PRIM2: variants seen among roughly 807,000 people sequenced by gnomAD.
The protein encoded by PRIM2 is DNA primase subunit 2.
Under a neutral mutation model 67.3 loss-of-function variants are expected in PRIM2, and 39 were observed. The ratio of observed to expected loss-of-function variants is 0.58; its 90% CI spans 0.45 to 0.76. PRIM2 has a LOEUF of 0.76. Ranked by LOEUF, PRIM2 falls within the 30% of genes least tolerant of loss-of-function variation. The pLI, the probability that PRIM2 is intolerant of heterozygous loss-of-function variation, is 0.00. For synonymous variants in PRIM2, 143 were observed against 198.7 expected, an observed-to-expected ratio of 0.72 and a Z score of 2.36; for missense variants, 398 against 598.7, an observed-to-expected ratio of 0.66 and a Z score of 3.50.
intron 5 of PRIM2, among the ~76,000 whole-genome samples, chr6:57,343,545 A>T (rs1434609649): frequency 1.3e-5 from 2 of 152,208 alleles, no homozygotes. Context: ...CAGATGTAAC[A>T]GTAGAACAGG....
At chr6:57,454,525 A>G (rs1331941358) in intron 7 of PRIM2, among the ~76,000 whole-genome samples, 3 of 152,182 alleles carry the variant, frequency 2.0e-5, no homozygotes, top group African/African-American at 4.8e-5. Flanking sequence ...GGGAGAGTGT[A>G]TGTGTCCAGG....
chr6:57,341,986 A>T (rs987944416), intron 5 of PRIM2, among the ~76,000 whole-genome samples: 34 of 152,180 alleles, frequency 2.2e-4, no homozygotes, highest in African/African-American at 7.2e-4. Context: ...AGTTGCTTTT[A>T]TGTTGATCTA....
intron 7 of PRIM2, among the ~76,000 whole-genome samples, chr6:57,470,622 C>G (rs1452520128): frequency 6.6e-6 from 1 of 151,428 alleles, no homozygotes; most frequent in Non-Finnish European, 1.5e-5. Flanking sequence ...TTGTTTTAAT[C>G]TTTAAATGAC....
At chr6:57,443,602 A>AT (rs143005345) in intron 7 of PRIM2, among the ~76,000 whole-genome samples, 11 of 151,692 alleles carry the variant, frequency 7.3e-5, no homozygotes, top group South Asian at 6.2e-4. Context: ...TTTAAACTGG[A>AT]TTTTTTTTGG....
intron 10 of PRIM2, among the ~76,000 whole-genome samples, chr6:57,568,462 C>T (rs1775792737): frequency 6.6e-6 from 1 of 152,116 alleles, no homozygotes; most frequent in Admixed American, 6.5e-5. Flanking sequence ...GGGAAAAACC[C>T]CTACTATTTA....
chr6:57,563,627 G>A (rs1376094851), intron 10 of PRIM2, among the ~76,000 whole-genome samples: 14 of 152,160 alleles, frequency 9.2e-5, no homozygotes, highest in African/African-American at 3.1e-4. Flanking sequence ...TATCTGACTT[G>A]TATATGCCTT....
chr6:57,643,849 G>A (rs1347310444), intron 13 of PRIM2, among the ~76,000 whole-genome samples: 1 of 152,088 alleles, frequency 6.6e-6, no homozygotes, highest in Non-Finnish European at 1.5e-5. Context: ...TTACACACTG[G>A]AATTACTATA....
intron 7 of PRIM2, among the ~76,000 whole-genome samples, chr6:57,429,914 A>C (rs1771761535): frequency 6.6e-6 from 1 of 152,138 alleles, no homozygotes; most frequent in Admixed American, 6.6e-5. Flanking sequence ...GCAATTCCCC[A>C]ATGGCTAGTG....
At chr6:57,464,997 T>A (rs1486967815) in intron 7 of PRIM2, among the ~76,000 whole-genome samples, 1 of 152,212 alleles carries the variant, frequency 6.6e-6, no homozygotes, top group Non-Finnish European at 1.5e-5. Context: ...CCTTGGCAAC[T>A]ATGTCTTTAT....
At chr6:57,286,466 C>T in the PRIM2 span, among the ~76,000 whole-genome samples, 7 of 152,002 alleles carry the variant, frequency 4.6e-5, no homozygotes, top group East Asian at 3.9e-4. Context: ...CATCTACAAC[C>T]GTCTCATCTT....
At position 57,448,954 on chromosome 6, in the gene PRIM2, CTCCCT is replaced by C. The variant is rs531821695; in HGVS notation, c.694-58430_694-58426del. Among the ~76,000 whole-genome samples, 584 of 152,214 alleles carry C rather than the reference CTCCCT, an allele frequency of 3.8e-3. 2 individuals are homozygous for C. The highest frequency in any genetic ancestry group is 0.013 in the African/African-American group (551 of 41,534). On this transcript the variant is annotated intron_variant, in intron 7 of 13. Coordinates refer to ENST00000615550, the MANE Select transcript of PRIM2 (RefSeq NM_000947.5). ...GGGGATGTAAGGAGGTGTGTCTGAC[CTCCCT>C]TCTCATCACGGCCAAGAACTCAGTT...
At chr6:57,505,328 G>A (rs1214564652) in intron 7 of PRIM2, 5 of 152,166 alleles carry the variant, frequency 3.3e-5, no homozygotes, top group African/African-American at 1.2e-4. Flanking sequence ...AATCTCGAAA[G>A]TAAGTTGGAG....
the PRIM2 span, among the ~76,000 whole-genome samples, chr6:57,241,758 T>C: frequency 5.5e-4 from 79 of 144,076 alleles, no homozygotes; most frequent in Middle Eastern, 7.6e-3. Context: ...CTGCAAGCTC[T>C]GCCTCCCGGG....
At chr6:57,353,638 T>C (rs9475868) in intron 5 of PRIM2, among the ~76,000 whole-genome samples, 1 of 152,226 alleles carries the variant, frequency 6.6e-6, no homozygotes, top group Non-Finnish European at 1.5e-5. Flanking sequence ...ATTTGAACTT[T>C]TTAGTAGATT....
chr6:57,322,295 CA>C (rs566618177), intron 3 of PRIM2, among the ~76,000 whole-genome samples: 71 of 152,140 alleles, frequency 4.7e-4, no homozygotes, highest in African/African-American at 1.7e-3. Flanking sequence ...TTTGATAAGT[CA>C]GGGTCTTTAA....
intron 10 of PRIM2, among the ~76,000 whole-genome samples, chr6:57,555,443 C>A (rs1775494839): frequency 6.6e-6 from 1 of 152,106 alleles, no homozygotes; most frequent in Non-Finnish European, 1.5e-5. Flanking sequence ...CCACGTCTGG[C>A]TAATTTTTGT....
chr6:57,514,699 T>C (rs1241320994), intron 8 of PRIM2, among the ~76,000 whole-genome samples: 12 of 152,102 alleles, frequency 7.9e-5, no homozygotes, highest in Non-Finnish European at 5.9e-5. Context: ...CTTAGAGGTA[T>C]ACTTGTGAAT....
chr6:57,289,232 A>C, the PRIM2 span, among the ~76,000 whole-genome samples: 2 of 152,320 alleles, frequency 1.3e-5, no homozygotes, highest in Non-Finnish European at 2.9e-5. Flanking sequence ...TAATGAAATA[A>C]AGCAAGAAGA....
chr6:57,243,462 T>C, the PRIM2 span, among the ~76,000 whole-genome samples: 1 of 152,208 alleles, frequency 6.6e-6, no homozygotes. Context: ...TTTATTTATT[T>C]ACTTGTTTGC....
Sources: gnomAD v4.1 joint callset for allele counts (sites outside exome capture counted in the v4.1 genomes callset) on GRCh38, gnomAD v4.1.1 for gene constraint, MANE v1.5 for transcripts, NCBI Gene and HGNC (gene_info 2026-07-23, HGNC 2026-07-21) for gene names.